Variants in TIMM9 observed in about 807,000 individuals in gnomAD.
TIMM9 encodes the protein translocase of inner mitochondrial membrane 9, also known as mitochondrial import inner membrane translocase subunit Tim9.
In TIMM9, 10 loss-of-function variants were observed where a neutral mutation model predicts 13.4. The ratio of observed to expected loss-of-function variants is 0.75; its 90% CI spans 0.46 to 1.26. The LOEUF (loss-of-function observed/expected upper bound fraction) is 1.26. TIMM9 is among the 50% of genes most tolerant of loss of function. The probability of loss-of-function intolerance (pLI) is 0.00; values close to 1 mark genes in which losing one functional copy is unlikely to be tolerated. For synonymous variants in TIMM9, 32 were observed against 32.1 expected, an observed-to-expected ratio of 1.00 and a Z score of 0.01; for missense variants, 87 against 100.8, an observed-to-expected ratio of 0.86 and a Z score of 0.58.
In TIMM9 at chr14:58,409,188, A is replaced by T. The variant is rs1482289158; in HGVS notation, c.136-20T>A. 6.2e-7 allele frequency: 1 copy of T among 1,603,514 alleles called. No individual in the cohort carries two copies. The highest frequency in any genetic ancestry group is 8.5e-7 in the Non-Finnish European group (1 of 1,177,564). ...GGTGGTCTAGGAATGAAAAGGGAAG[A>T]TCCAAGAGGCAACACAAAAATATGA... On this transcript the variant is annotated intron_variant, in intron 5 of 5. Coordinates refer to ENST00000395159, the MANE Select transcript of TIMM9 (RefSeq NM_012460.4).
rs1409584563 is a variant in TIMM9 at position 58,427,457 on chromosome 14, T to C, written c.-369A>G. 3.9e-6 allele frequency: 3 copies of C among 762,354 alleles called. No homozygotes were observed. Among genetic ancestry groups the C allele is most frequent in the Non-Finnish European group, 6.3e-6 (3 of 475,954 alleles). The allele number at this position is 762,354 out of a possible 1,614,324, so 47.2% of individuals were successfully genotyped here. On this transcript the variant is annotated 5_prime_UTR_variant, in exon 1 of 6. Coordinates refer to ENST00000395159, the MANE Select transcript of TIMM9 (RefSeq NM_012460.4). ...GTCAACAGTCCCTGGTAAACACAAG[T>C]AGTATTACAAGTCGGGAGCTCTTCA...
chr14:58,417,825 TA>T (rs1225501180), intron 3 of TIMM9, among the ~76,000 whole-genome samples: 1 of 152,014 alleles, frequency 6.6e-6, no homozygotes, highest in Admixed American at 6.6e-5. Flanking sequence ...AAAAGATTAA[TA>T]AAACTGACAA....
chr14:58,417,568 C>T (rs1295338397), intron 3 of TIMM9, among the ~76,000 whole-genome samples: 252 of 66,210 alleles, frequency 3.8e-3, no homozygotes, highest in African/African-American at 0.013. Context: ...GGGAAAGGAG[C>T]GTGGGAGGGA....
chr14:58,413,411 C>T (rs972047115), intron 3 of TIMM9, among the ~76,000 whole-genome samples: 4 of 152,198 alleles, frequency 2.6e-5, no homozygotes, highest in Non-Finnish European at 5.9e-5. Flanking sequence ...TGACAACCCT[C>T]ATGAAGGATA....
intron 3 of TIMM9, among the ~76,000 whole-genome samples, chr14:58,417,953 C>A (rs2036469291): frequency 1.3e-5 from 2 of 152,094 alleles, no homozygotes; most frequent in Admixed American, 1.3e-4. Context: ...ACTCTACATA[C>A]ATAAACCTGA....
chr14:58,424,515 T>G (rs956835887), intron 2 of TIMM9, among the ~76,000 whole-genome samples: 2 of 152,212 alleles, frequency 1.3e-5, no homozygotes, highest in Admixed American at 1.3e-4. Context: ...ATAAAATGTC[T>G]TATAAGCTAT....
At chr14:58,420,810 AAAAC>A (rs2036568924) in intron 3 of TIMM9, among the ~76,000 whole-genome samples, 1 of 151,686 alleles carries the variant, frequency 6.6e-6, no homozygotes, top group Non-Finnish European at 1.5e-5. Context: ...AAAAAAAAAA[AAAAC>A]AAGCTATATA....
intron 2 of TIMM9, among the ~76,000 whole-genome samples, chr14:58,424,541 CT>C (rs1423019508): frequency 6.6e-6 from 1 of 152,222 alleles, no homozygotes; most frequent in East Asian, 1.9e-4. Context: ...CACATATCAT[CT>C]ATCTAAAAAT....
rs1566752425 is a variant in TIMM9 at position 58,419,497 on chromosome 14, ACACACAC to A, written c.-27+4504_-27+4510del. On this transcript the variant is annotated intron_variant, in intron 3 of 5. Coordinates refer to ENST00000395159, the MANE Select transcript of TIMM9 (RefSeq NM_012460.4). ...CACACACACACACACACACACACAC[ACACACAC>A]AAACACATACACACACACACACACA... Among the ~76,000 whole-genome samples, 122 of 150,600 alleles carry A rather than the reference ACACACAC, an allele frequency of 8.1e-4. 1 individual carries two copies. The highest frequency in any genetic ancestry group is 2.3e-3 in the African/African-American group (94 of 40,890).
intron 3 of TIMM9, among the ~76,000 whole-genome samples, chr14:58,423,548 T>TATAC (rs2036652700): frequency 6.8e-6 from 1 of 147,390 alleles, no homozygotes; most frequent in Non-Finnish European, 1.5e-5. Context: ...AAGATTATGG[T>TATAC]ATACATAATT....
At chr14:58,422,201 C>T (rs1005716942) in intron 3 of TIMM9, among the ~76,000 whole-genome samples, 37 of 151,554 alleles carry the variant, frequency 2.4e-4, no homozygotes, top group Non-Finnish European at 4.1e-4. Context: ...CTGCAATCTC[C>T]GCCTCCCAGG....
In TIMM9 at chr14:58,426,827, C is replaced by T. The variant is rs1303905782; in HGVS notation, c.-115+227G>A. 2.0e-5 allele frequency among the ~76,000 whole-genome samples: 3 copies of T among 152,162 alleles called. No homozygotes were observed. In the East Asian group the frequency reaches 5.8e-4, roughly 29 times the overall value. On this transcript the variant is annotated intron_variant, in intron 2 of 5. Transcript: ENST00000395159. ...AAACAGGACCCCGACTCCCCAGATC[C>T]GGGTTGGGGGTGGCTCAGGGCCTAA...
intron 3 of TIMM9, among the ~76,000 whole-genome samples, chr14:58,416,249 T>C (rs561282610): frequency 1.3e-5 from 2 of 151,202 alleles, no homozygotes; most frequent in Admixed American, 1.3e-4. Flanking sequence ...TAAATAACAA[T>C]AAATAAAATA....
intron 3 of TIMM9, among the ~76,000 whole-genome samples, chr14:58,417,470 C>T (rs2036448722): frequency 7.9e-6 from 1 of 127,042 alleles, no homozygotes; most frequent in Non-Finnish European, 1.6e-5. Context: ...CATTGCATTC[C>T]AGCTCAGATA....
chr14:58,410,829 A>T lies in TIMM9; in HGVS notation c.135+14T>A, dbSNP rs2036191471. 1.9e-6 allele frequency: 3 copies of T among 1,580,932 alleles called. No homozygotes were observed. The highest frequency in any genetic ancestry group is 2.6e-6 in the Non-Finnish European group (3 of 1,160,100). ...GAAGGCTTGTAGAATTTTAGTGAGT[A>T]ACACTTTTCATACCTCTTCAGGTTT... On this transcript the variant is annotated intron_variant, in intron 5 of 5. Transcript: ENST00000395159.
chr14:58,414,728 C>A (rs1408939491), intron 3 of TIMM9, among the ~76,000 whole-genome samples: 3 of 111,372 alleles, frequency 2.7e-5, no homozygotes, highest in African/African-American at 6.9e-5. Context: ...CATAGTGAGA[C>A]GCCATCTCAA....
chr14:58,422,011 TTC>T (rs1280022715), intron 3 of TIMM9, among the ~76,000 whole-genome samples: 14 of 143,878 alleles, frequency 9.7e-5, no homozygotes, highest in African/African-American at 3.2e-4. Flanking sequence ...CCAAAATCTG[TTC>T]TTTTTTTTTT....
intron 3 of TIMM9, among the ~76,000 whole-genome samples, chr14:58,422,115 C>CTTT (rs762867153): frequency 2.4e-5 from 3 of 126,670 alleles, no homozygotes; most frequent in Non-Finnish European, 3.4e-5. Flanking sequence ...AGTATGAAAT[C>CTTT]TTTTTTTTTT....
intron 3 of TIMM9, among the ~76,000 whole-genome samples, chr14:58,412,423 A>G (rs1046688237): frequency 6.6e-6 from 1 of 152,230 alleles, no homozygotes; most frequent in African/African-American, 2.4e-5. Context: ...TACAGGCGTT[A>G]GCCGCCGTGC....
Sources: allele counts gnomAD v4.1 joint callset (sites outside exome capture counted in the v4.1 genomes callset), GRCh38; gene constraint gnomAD v4.1.1; transcripts MANE v1.5; gene names NCBI Gene and HGNC (gene_info 2026-07-23, HGNC 2026-07-21).